GRM7: variants seen among roughly 807,000 people sequenced by gnomAD.
GRM7 encodes the protein glutamate metabotropic receptor 7.
In GRM7, 35 loss-of-function variants were observed where a neutral mutation model predicts 84.5. That is an observed-to-expected ratio of 0.41 (90% CI 0.32 to 0.55). The LOEUF is 0.55. Ranked by LOEUF, GRM7 falls within the 20% of genes least tolerant of loss-of-function variation. The pLI is 0.19. For synonymous variants in GRM7, 487 were observed against 455.1 expected (o/e 1.07, Z -0.89); for missense variants, 1,003 against 1,194.6 (o/e 0.84, Z 2.36).
intron 1 of GRM7, among the ~76,000 whole-genome samples, chr3:6,958,411 A>T (rs1266580109): frequency 6.6e-6 from 1 of 152,084 alleles, no homozygotes; most frequent in East Asian, 1.9e-4. Flanking sequence ...ACTACAATTT[A>T]TTTATCTGTT....
chr3:6,869,831 C>A (rs1695061690), intron 1 of GRM7, among the ~76,000 whole-genome samples: 1 of 152,182 alleles, frequency 6.6e-6, no homozygotes. Flanking sequence ...AGCTTGAATT[C>A]CATTGTGGAC....
rs539940307 is a variant in GRM7, at chr3:7,153,308, A to G, written c.736+6640A>G. Reference sequence around the variant, plus strand: ...AATTGACTTCTGTTGTTTGCCTTCAACCTTCATGAATATAACCAGGGTTGT... The same window carrying G: ...AATTGACTTCTGTTGTTTGCCTTCAGCCTTCATGAATATAACCAGGGTTGT... On this transcript the variant is annotated intron_variant, in intron 2 of 9. Coordinates refer to ENST00000357716, the MANE Select transcript of GRM7 (RefSeq NM_000844.4). 1.8e-4 allele frequency among the ~76,000 whole-genome samples: 28 copies of G among 152,094 alleles called. No homozygotes were observed. In the East Asian group the frequency reaches 2.1e-3, roughly 12 times the overall value.
chr3:7,192,389 A>C (rs1695738529), intron 2 of GRM7, among the ~76,000 whole-genome samples: 1 of 152,082 alleles, frequency 6.6e-6, no homozygotes, highest in East Asian at 1.9e-4. Context: ...CCAATTCTCC[A>C]AGATATGTAT....
intron 8 of GRM7, among the ~76,000 whole-genome samples, chr3:7,615,638 C>T (rs1343992629): frequency 1.3e-5 from 2 of 152,026 alleles, no homozygotes; most frequent in South Asian, 2.1e-4. Flanking sequence ...ATGTAGTCTT[C>T]CTAGGTTATG....
intron 2 of GRM7, among the ~76,000 whole-genome samples, chr3:7,293,423 T>C (rs916721531): frequency 6.6e-6 from 1 of 152,180 alleles, no homozygotes; most frequent in African/African-American, 2.4e-5. Flanking sequence ...CTCTCTTGTA[T>C]GTATCACTCT....
chr3:7,467,800 CA>C (rs1485511378), intron 7 of GRM7, among the ~76,000 whole-genome samples: 1 of 151,080 alleles, frequency 6.6e-6, no homozygotes, highest in Admixed American at 6.6e-5. Flanking sequence ...CCATAGTAAT[CA>C]AAAATGGAAA....
chr3:7,715,916 C>T (rs893155190), intron 9 of GRM7, among the ~76,000 whole-genome samples: 1 of 152,140 alleles, frequency 6.6e-6, no homozygotes, highest in African/African-American at 2.4e-5. Flanking sequence ...CTCATTTCCA[C>T]CTCCTCCTAA....
chr3:7,326,190 A>AAC (rs1559237356), intron 4 of GRM7, among the ~76,000 whole-genome samples: 4 of 151,794 alleles, frequency 2.6e-5, no homozygotes, highest in Non-Finnish European at 5.9e-5. Flanking sequence ...AGAAAAAAAA[A>AAC]CACATTATTT....
intron 1 of GRM7, among the ~76,000 whole-genome samples, chr3:6,945,568 G>T (rs1472084695): frequency 1.3e-5 from 2 of 152,028 alleles, no homozygotes; most frequent in Non-Finnish European, 2.9e-5. Flanking sequence ...AATCCTTTGG[G>T]TATATACCCA....
chr3:7,002,315 TAC>T (rs1185929205), intron 1 of GRM7, among the ~76,000 whole-genome samples: 1 of 152,220 alleles, frequency 6.6e-6, no homozygotes, highest in South Asian at 2.1e-4. Flanking sequence ...TGGGTTCCTC[TAC>T]TAAAAAACAG....
chr3:7,639,400 C>T (rs1297721588), intron 8 of GRM7, among the ~76,000 whole-genome samples: 4 of 152,186 alleles, frequency 2.6e-5, no homozygotes, highest in Non-Finnish European at 5.9e-5. Flanking sequence ...AGCTGCCCTT[C>T]TATCTCTCCC....
In GRM7 at chr3:6,927,993, G is replaced by A. The variant is rs112687541; in HGVS notation, c.519+66086G>A. Among the ~76,000 whole-genome samples the A allele has an allele frequency of 8.8e-3, 1,340 of 152,126 alleles. 12 individuals are homozygous for A. The highest frequency in any genetic ancestry group is 0.03 in the African/African-American group (1,238 of 41,482). On this transcript the variant is annotated intron_variant, in intron 1 of 9. Coordinates refer to ENST00000357716, the MANE Select transcript of GRM7 (RefSeq NM_000844.4). ...TTTCTAAATATGTAATCACTAGGTC[G>A]CAAATCCACTTGTAACTCACATAGG...
At chr3:7,088,482 A>G (rs1039513676) in intron 1 of GRM7, among the ~76,000 whole-genome samples, 1 of 149,328 alleles carries the variant, frequency 6.7e-6, no homozygotes, top group Non-Finnish European at 1.5e-5. Context: ...TATTATCTAA[A>G]TTTTTTTTTT....
At chr3:7,553,448 A>C (rs552374655) in intron 7 of GRM7, among the ~76,000 whole-genome samples, 4 of 152,146 alleles carry the variant, frequency 2.6e-5, no homozygotes, top group Non-Finnish European at 5.9e-5. Flanking sequence ...GCAGCACCCC[A>C]TTCCTGGTAC....
chr3:7,193,554 G>A lies in GRM7; in HGVS notation c.736+46886G>A, dbSNP rs969461737. On this transcript the variant is annotated intron_variant, in intron 2 of 9. Transcript: ENST00000357716. ...AAAACAATAAAGCTCAGAATTAATG[G>A]GATAATAAATAGTAATCATTAATGC... 3.3e-5 allele frequency among the ~76,000 whole-genome samples: 5 copies of A among 151,640 alleles called. No homozygotes were observed. The South Asian group carries it at 8.3e-4, about 25-fold the overall frequency.
At chr3:7,701,126 CATGCTTGGGA>C (rs1701210399) in intron 9 of GRM7, among the ~76,000 whole-genome samples, 1 of 152,130 alleles carries the variant, frequency 6.6e-6, no homozygotes, top group Non-Finnish European at 1.5e-5. Flanking sequence ...CATCCTGAGA[CATGCTTGGGA>C]TTGGGCATGA....
At chr3:6,894,822 C>T (rs1574982549) in intron 1 of GRM7, among the ~76,000 whole-genome samples, 1 of 152,060 alleles carries the variant, frequency 6.6e-6, no homozygotes, top group Non-Finnish European at 1.5e-5. Context: ...ATTAAACATG[C>T]AGTTGTAGAG....
chr3:7,663,263 T>A (rs1699542791), intron 8 of GRM7, among the ~76,000 whole-genome samples: 2 of 152,180 alleles, frequency 1.3e-5, no homozygotes, highest in South Asian at 4.1e-4. Context: ...TCAGCTGGCA[T>A]CGCTCAGGGA....
chr3:7,663,604 A>G (rs1699558714), intron 8 of GRM7, among the ~76,000 whole-genome samples: 2 of 152,208 alleles, frequency 1.3e-5, no homozygotes, highest in African/African-American at 4.8e-5. Context: ...ATAATGATTG[A>G]CATATAATCA....
Sources: gnomAD v4.1 joint callset for allele counts (sites outside exome capture counted in the v4.1 genomes callset) on GRCh38, gnomAD v4.1.1 for gene constraint, MANE v1.5 for transcripts, NCBI Gene and HGNC (gene_info 2026-07-23, HGNC 2026-07-21) for gene names.